LINGO2: variants seen among roughly 807,000 people sequenced by gnomAD.
LINGO2 encodes leucine rich repeat and Ig domain containing 2.
LINGO2 carries 14 observed loss-of-function variants against 30.6 expected under a neutral mutation model. That is an observed-to-expected ratio of 0.46 (90% CI 0.30 to 0.72). The LOEUF (loss-of-function observed/expected upper bound fraction) is 0.72, where lower values mean the gene tolerates loss of function less well. Among genes scored for constraint, LINGO2 ranks in the 30% least tolerant of loss-of-function variants. LINGO2 has a pLI of 0.07. For synonymous variants in LINGO2, 317 were observed against 288.5 expected (o/e 1.10, Z -1.00); for missense variants, 729 against 751.7 (o/e 0.97, Z 0.35).
chr9:28,272,172 C>A (rs574153970), intron 4 of LINGO2, among the ~76,000 whole-genome samples: 1 of 152,246 alleles, frequency 6.6e-6, no homozygotes, highest in East Asian at 1.9e-4. Context: ...ACTGTTCTCT[C>A]CCCTTTGCCT....
At chr9:28,774,200 G>C in the LINGO2 span, among the ~76,000 whole-genome samples, 2 of 151,986 alleles carry the variant, frequency 1.3e-5, no homozygotes, top group African/African-American at 4.8e-5. Flanking sequence ...TGTTCAGGAG[G>C]TTCAAGTTTC....
the LINGO2 span, among the ~76,000 whole-genome samples, chr9:28,924,748 G>A: frequency 6.6e-6 from 1 of 152,172 alleles, no homozygotes; most frequent in East Asian, 1.9e-4. Context: ...TTCTATTAGA[G>A]CAACACTGTG....
chr9:28,840,802 A>G, the LINGO2 span, among the ~76,000 whole-genome samples: 1 of 151,902 alleles, frequency 6.6e-6, no homozygotes, highest in East Asian at 1.9e-4. Flanking sequence ...GCATTGTAAG[A>G]TGTGGTGTGA....
intron 4 of LINGO2, among the ~76,000 whole-genome samples, chr9:28,046,564 C>T (rs1237501768): frequency 1.3e-5 from 2 of 152,154 alleles, no homozygotes; most frequent in Non-Finnish European, 2.9e-5. Flanking sequence ...AGGTGAAACA[C>T]TAAATTGCAA....
the LINGO2 span, among the ~76,000 whole-genome samples, chr9:29,129,092 C>T: frequency 1.1e-4 from 16 of 152,160 alleles, no homozygotes; most frequent in East Asian, 1.9e-4. Context: ...ATTAACCCAG[C>T]GAAAACAAAA....
intron 4 of LINGO2, among the ~76,000 whole-genome samples, chr9:28,036,105 G>A (rs965009918): frequency 6.6e-6 from 1 of 152,112 alleles, no homozygotes; most frequent in Non-Finnish European, 1.5e-5. Context: ...GAGACCTAAA[G>A]GAGTTTTCTA....
chr9:28,339,721 A>C (rs1224777987), intron 3 of LINGO2, among the ~76,000 whole-genome samples: 1 of 152,196 alleles, frequency 6.6e-6, no homozygotes. Context: ...ATCTGCATAT[A>C]CTTGAAAACC....
chr9:29,085,383 TAGC>T, the LINGO2 span, among the ~76,000 whole-genome samples: 1 of 147,138 alleles, frequency 6.8e-6, no homozygotes, highest in Middle Eastern at 3.5e-3. Context: ...GATAAAATAA[TAGC>T]AGCTACCATC....
At chr9:28,052,797 T>TG (rs1824737490) in intron 4 of LINGO2, among the ~76,000 whole-genome samples, 1 of 152,090 alleles carries the variant, frequency 6.6e-6, no homozygotes, top group African/African-American at 2.4e-5. Context: ...CTCAAGTACA[T>TG]GACATTTGGC....
intron 2 of LINGO2, among the ~76,000 whole-genome samples, chr9:28,407,996 C>T (rs575124026): frequency 2.0e-5 from 3 of 151,758 alleles, no homozygotes; most frequent in South Asian, 2.1e-4. Flanking sequence ...AAGAGTACAG[C>T]GAGAGGGAGG....
chr9:28,798,750 C>T, the LINGO2 span, among the ~76,000 whole-genome samples: 2 of 152,164 alleles, frequency 1.3e-5, no homozygotes, highest in East Asian at 1.9e-4. Context: ...TGGCTTTCAT[C>T]AGGTTTGTTC....
intron 1 of LINGO2, among the ~76,000 whole-genome samples, chr9:28,504,663 G>A (rs1212564946): frequency 6.6e-6 from 1 of 150,832 alleles, no homozygotes; most frequent in Non-Finnish European, 1.5e-5. Context: ...TTTTATATAT[G>A]TATTTTATAC....
chr9:28,895,098 T>C, the LINGO2 span, among the ~76,000 whole-genome samples: 4 of 152,172 alleles, frequency 2.6e-5, no homozygotes, highest in African/African-American at 9.6e-5. Context: ...GCCTTCATCA[T>C]ACATGTGTAA....
chr9:27,998,891 T>G (rs973590493), intron 5 of LINGO2, among the ~76,000 whole-genome samples: 1 of 152,114 alleles, frequency 6.6e-6, no homozygotes, highest in Non-Finnish European at 1.5e-5. Flanking sequence ...TATTATGAGG[T>G]GGGTTGTTGT....
At chr9:28,095,860 C>A (rs1253990467) in intron 4 of LINGO2, among the ~76,000 whole-genome samples, 1 of 152,044 alleles carries the variant, frequency 6.6e-6, no homozygotes, top group Non-Finnish European at 1.5e-5. Flanking sequence ...AACAAATTTA[C>A]AAGAAAAAAA....
intron 4 of LINGO2, among the ~76,000 whole-genome samples, chr9:28,262,191 G>A (rs894575503): frequency 4.0e-5 from 6 of 151,696 alleles, no homozygotes; most frequent in Non-Finnish European, 7.4e-5. Flanking sequence ...TGTTTGAGTT[G>A]TTATGAGAAA....
chr9:28,026,934 G>A (rs1040836614), intron 4 of LINGO2, among the ~76,000 whole-genome samples: 2 of 152,132 alleles, frequency 1.3e-5, no homozygotes, highest in East Asian at 1.9e-4. Context: ...TCCTGTGTGT[G>A]TTGCTCACCT....
At chr9:28,072,464 C>T (rs1009323057) in intron 4 of LINGO2, among the ~76,000 whole-genome samples, 1 of 152,186 alleles carries the variant, frequency 6.6e-6, no homozygotes, top group South Asian at 2.1e-4. Context: ...GAAATGACAG[C>T]TCAGTACAGA....
chr9:28,867,582 A>G, the LINGO2 span, among the ~76,000 whole-genome samples: 1 of 152,062 alleles, frequency 6.6e-6, no homozygotes, highest in South Asian at 2.1e-4. Flanking sequence ...AATTTTAACT[A>G]TTTTTTAAAA....
Sources: gnomAD v4.1 joint callset for allele counts (sites outside exome capture counted in the v4.1 genomes callset) on GRCh38, gnomAD v4.1.1 for gene constraint, MANE v1.5 for transcripts, NCBI Gene and HGNC (gene_info 2026-07-23, HGNC 2026-07-21) for gene names.